Variants in AVPI1 observed in about 807,000 individuals in gnomAD.
AVPI1 encodes the protein arginine vasopressin induced 1, also known as arginine vasopressin-induced protein 1.
AVPI1 carries 9 observed loss-of-function variants against 11.9 expected under a neutral mutation model. The observed-to-expected ratio is 0.76, with a 90% CI of 0.46 to 1.32. The LOEUF (loss-of-function observed/expected upper bound fraction) is 1.32. Ranked by LOEUF, AVPI1 falls within the 40% of genes most tolerant of loss-of-function variation. The pLI is 0.00. For missense variants in AVPI1, 207 were observed against 195.8 expected (o/e 1.06, Z -0.34); for synonymous variants, 68 against 78.1 (o/e 0.87, Z 0.68).
At chr10:97,678,922 T>A (rs2041683645) in intron 2 of AVPI1, among the ~76,000 whole-genome samples, 2 of 17,276 alleles carry the variant, frequency 1.2e-4, no homozygotes, top group African/African-American at 4.3e-4. Flanking sequence ...TGTGTGTGTG[T>A]GTGTGTGTGT....
chr10:97,679,000 T>TGTGTGTGTGTGTGTGTGTGTG (rs2041686842), intron 2 of AVPI1, among the ~76,000 whole-genome samples: 1 of 139,686 alleles, frequency 7.2e-6, no homozygotes, highest in African/African-American at 2.7e-5. Context: ...TGTGTGTGTG[T>TGTGTGTGTGTGTGTGTGTGTG]TTTCAGAGAC....
chr10:97,680,033 G>T, intron 1 of AVPI1, 118 bp from the exon 2 acceptor site: 2 of 1,014,992 alleles, frequency 2.0e-6, no homozygotes, highest in African/African-American at 1.6e-5. Context: ...ACTGGAGGAA[G>T]TCTCCTGCCT....
At chr10:97,678,940 T>TGGGGGG (rs2041684647) in intron 2 of AVPI1, among the ~76,000 whole-genome samples, 1 of 41,598 alleles carries the variant, frequency 2.4e-5, no homozygotes, top group Admixed American at 3.2e-4. Flanking sequence ...TGTGTGTGTG[T>TGGGGGG]GTGTGTGTGT....
chr10:97,683,498 G>A (rs574042413), intron 1 of AVPI1, among the ~76,000 whole-genome samples: 41 of 152,314 alleles, frequency 2.7e-4, no homozygotes, highest in East Asian at 1.2e-3. Flanking sequence ...TTCACAGCCA[G>A]GCAGCTTAAA....
intron 2 of AVPI1, among the ~76,000 whole-genome samples, chr10:97,678,944 T>TTTTGAGA (rs1564779863): frequency 2.0e-5 from 1 of 50,330 alleles, no homozygotes; most frequent in Non-Finnish European, 4.0e-5. Context: ...TGTGTGTGTG[T>TTTTGAGA]GTGTGTGTGT....
chr10:97,682,985 T>C (rs888918157), intron 1 of AVPI1, among the ~76,000 whole-genome samples: 2 of 152,164 alleles, frequency 1.3e-5, no homozygotes, highest in Non-Finnish European at 1.5e-5. Flanking sequence ...TATGGGATAT[T>C]TACTCTGGAT....
In AVPI1 at chr10:97,679,838, C is replaced by A. The variant is rs530388580; in HGVS notation, c.68G>T (p.Arg23Leu). Residue 23 changes from arginine (R) to leucine (L), a missense_variant, in exon 2 of 3, where the codon CGC becomes CTC. By Grantham distance (102) the Arg-to-Leu change is moderately radical. Coordinates refer to ENST00000370626, the MANE Select transcript of AVPI1 (RefSeq NM_021732.3). The part of the protein sequence containing the change: ...PWQAPIEARG[R>L]KQASANIFQD... ...GAAGATGTTGGCCGAGGCCTGCTTG[C>A]GGCCCCGGGCCTCAATCGGGGCCTG... The A allele has an allele frequency of 6.2e-7, 1 of 1,607,692 alleles. No individual in the cohort carries two copies. The highest frequency in any genetic ancestry group is 8.5e-7 in the Non-Finnish European group (1 of 1,178,054).
intron 1 of AVPI1, among the ~76,000 whole-genome samples, chr10:97,682,753 C>T (rs998854244): frequency 6.6e-6 from 1 of 152,166 alleles, no homozygotes; most frequent in African/African-American, 2.4e-5. Context: ...TACAATAAAG[C>T]TGCAGAAGAC....
At chr10:97,678,141 G>C in intron 2 of AVPI1, 116 bp from the exon 3 acceptor site, 1 of 1,172,084 alleles carries the variant, frequency 8.5e-7, no homozygotes, top group Non-Finnish European at 1.2e-6. Flanking sequence ...AATGAGAGCG[G>C]GGCTCTGCTC....
chr10:97,681,894 G>GAA (rs555725587), intron 1 of AVPI1, among the ~76,000 whole-genome samples: 25 of 106,286 alleles, frequency 2.4e-4, no homozygotes, highest in South Asian at 5.7e-4. Flanking sequence ...CAAAAAAAAA[G>GAA]AAAAAAAAAA....
chr10:97,677,955 G>T lies in AVPI1; in HGVS notation c.358C>A (p.Leu120Met). Residue 120 changes from leucine (L) to methionine (M), a missense_variant, in exon 3 of 3, where the codon CTG becomes ATG. Leu to Met is a conservative substitution (Grantham distance 15). Coordinates refer to ENST00000370626, the MANE Select transcript of AVPI1 (RefSeq NM_021732.3). ...CTGGCACTTTTCTTCCTAGAGTGCA[G>T]ATACTGCTCACTGGAGGCTGTCTCT... ...ATETASSEQY[L>M]HSRKKSARIR... 1 of 1,614,190 alleles carries T rather than the reference G, an allele frequency of 6.2e-7. No homozygotes were observed. The highest frequency in any genetic ancestry group is 8.5e-7 in the Non-Finnish European group (1 of 1,180,040).
chr10:97,682,603 T>TC (rs991664592), intron 1 of AVPI1, among the ~76,000 whole-genome samples: 37 of 151,504 alleles, frequency 2.4e-4, no homozygotes, highest in African/African-American at 8.5e-4. Context: ...AAAATATGAC[T>TC]CCCCCCCTTG....
At chr10:97,684,292 C>T (rs2041718482) in intron 1 of AVPI1, among the ~76,000 whole-genome samples, 1 of 152,124 alleles carries the variant, frequency 6.6e-6, no homozygotes, top group Non-Finnish European at 1.5e-5. Flanking sequence ...CAGCAGCTGC[C>T]TCGGGGAGGA....
At chr10:97,686,570 A>T (rs377021150) in intron 1 of AVPI1, among the ~76,000 whole-genome samples, 196 bp downstream of exon 1, 22 of 152,274 alleles carry the variant, frequency 1.4e-4, no homozygotes, top group African/African-American at 5.3e-4. Context: ...CGGGCTCTCA[A>T]GCCACTGTTA....
intron 2 of AVPI1, among the ~76,000 whole-genome samples, chr10:97,678,533 G>C (rs2041678404): frequency 6.6e-6 from 1 of 152,186 alleles, no homozygotes; most frequent in Non-Finnish European, 1.5e-5. Flanking sequence ...TCCTGGGCTG[G>C]CAGTGGCCTA....
At chr10:97,679,158 T>TTTG (rs2041688548) in intron 2 of AVPI1, among the ~76,000 whole-genome samples, 1 of 149,044 alleles carries the variant, frequency 6.7e-6, no homozygotes. Context: ...TTTTTTTTTT[T>TTTG]GAGACAGAGT....
At position 97,678,041 on chromosome 10, in the gene AVPI1, G is replaced by A; in HGVS notation, c.288-16C>T. ...CTCCAGGATTCTGCAGAGAACAAGT[G>A]TATGATTAGCCAACATCAATAGGAA... On this transcript the variant is annotated splice_polypyrimidine_tract_variant and intron_variant, in intron 2 of 2. Transcript: ENST00000370626. The A allele has an allele frequency of 3.1e-6, 5 of 1,608,786 alleles. No individual in the cohort carries two copies. Among genetic ancestry groups the A allele is most frequent in the Non-Finnish European group, 4.3e-6 (5 of 1,176,206 alleles).
chr10:97,679,345 A>T (rs929607471), intron 2 of AVPI1, among the ~76,000 whole-genome samples: 1 of 151,928 alleles, frequency 6.6e-6, no homozygotes, highest in African/African-American at 2.4e-5. Context: ...GGGTTTCACC[A>T]TGTTGGTCAG....
At chr10:97,681,730 T>C (rs1409755742) in intron 1 of AVPI1, among the ~76,000 whole-genome samples, 1 of 133,306 alleles carries the variant, frequency 7.5e-6, no homozygotes, top group African/African-American at 2.7e-5. Context: ...TACAAAAAAT[T>C]AGCCGGGCGC....
Sources: allele counts gnomAD v4.1 joint callset (sites outside exome capture counted in the v4.1 genomes callset), GRCh38; gene constraint gnomAD v4.1.1; transcripts MANE v1.5; gene names NCBI Gene and HGNC (gene_info 2026-07-23, HGNC 2026-07-21).